LMO7: variants seen among roughly 807,000 people sequenced by gnomAD.
LMO7 encodes LIM domain only protein 7.
Under a neutral mutation model 206.5 loss-of-function variants are expected in LMO7, and 120 were observed. That is an observed-to-expected ratio of 0.58 (90% CI 0.50 to 0.68). The LOEUF is 0.68. LMO7 is among the 30% of genes least tolerant of loss of function. LMO7 has a pLI of 0.00. For synonymous variants in LMO7, 706 were observed against 681.5 expected, an observed-to-expected ratio of 1.04 and a Z score of -0.56; for missense variants, 1,959 against 1,957.9, an observed-to-expected ratio of 1.00 and a Z score of -0.01.
At chr13:75,675,523 A>T (rs757023060) in intron 1 of LMO7, among the ~76,000 whole-genome samples, 1 of 152,100 alleles carries the variant, frequency 6.6e-6, no homozygotes, top group Middle Eastern at 3.2e-3. Flanking sequence ...TTTGATGCAC[A>T]TTTTTTTCTC....
intron 2 of LMO7, among the ~76,000 whole-genome samples, chr13:75,721,570 T>G (rs984143531): frequency 3.3e-5 from 5 of 152,132 alleles, no homozygotes; most frequent in Non-Finnish European, 7.4e-5. Flanking sequence ...ACAAAATTGG[T>G]TTTTCATTCC....
chr13:75,720,601 T>C (rs2043940045), intron 2 of LMO7, among the ~76,000 whole-genome samples: 2 of 152,228 alleles, frequency 1.3e-5, no homozygotes. Context: ...AGTGCTATAA[T>C]TATTGAGGGT....
At chr13:75,646,138 G>C (rs968911987) in intron 1 of LMO7, among the ~76,000 whole-genome samples, 4 of 151,918 alleles carry the variant, frequency 2.6e-5, no homozygotes, top group African/African-American at 9.7e-5. Flanking sequence ...TGGCATCATT[G>C]TTCAGCCAGT....
At position 75,691,483 on chromosome 13, in the gene LMO7, A is replaced by G. The variant is rs574117583; in HGVS notation, c.70-21699A>G. On this transcript the variant is annotated intron_variant, in intron 1 of 30. Transcript: ENST00000377534. ...CATTGCCTGGGATGGGGGAGTTTTC[A>G]TCATCAGCCTGAACACTCAGGCTCC... Among the ~76,000 whole-genome samples, 8 of 152,174 alleles carry G rather than the reference A, an allele frequency of 5.3e-5. No individual in the cohort carries two copies. In the South Asian group the frequency reaches 1.5e-3, roughly 28 times the overall value.
Position 75,795,393 on chromosome 13 carries a change from C to T in LMO7, c.318-8C>T. 6.4e-7 allele frequency: 1 copy of T among 1,569,994 alleles called. No homozygotes were observed. The highest frequency in any genetic ancestry group is 2.3e-5 in the East Asian group (1 of 43,790). ...ATATTACCTAATAGATATTTTCTTT[C>T]TTTACAGGCAAGAAGAGACTGACAG... On this transcript the variant is annotated splice_region_variant and splice_polypyrimidine_tract_variant and intron_variant, in intron 4 of 30. Transcript: ENST00000377534.
intron 3 of LMO7, among the ~76,000 whole-genome samples, chr13:75,752,293 G>A (rs2047337078): frequency 1.3e-5 from 2 of 151,954 alleles, no homozygotes; most frequent in Admixed American, 1.3e-4. Context: ...ACTATGCCCA[G>A]CTAATTTTTG....
chr13:75,716,764 C>T (rs1028913487), intron 2 of LMO7, among the ~76,000 whole-genome samples: 32 of 152,054 alleles, frequency 2.1e-4, no homozygotes, highest in African/African-American at 7.7e-4. Context: ...TTATTTTGCT[C>T]TGGGTTCTAG....
At chr13:75,715,048 A>G (rs1235363192) in intron 2 of LMO7, among the ~76,000 whole-genome samples, 1 of 152,228 alleles carries the variant, frequency 6.6e-6, no homozygotes, top group Non-Finnish European at 1.5e-5. Flanking sequence ...GTAATTTTGT[A>G]GGTTATATAT....
At chr13:75,634,869 G>A (rs900743180), upstream of LMO7, among the ~76,000 whole-genome samples, 4 of 151,972 alleles carry the variant, frequency 2.6e-5, no homozygotes, top group Admixed American at 6.6e-5. Context: ...AGCTGGGCAT[G>A]GTGGTGGGCG....
At chr13:75,835,104 C>G in intron 17 of LMO7, 129 bp from the exon 18 acceptor site, 3 of 1,195,464 alleles carry the variant, frequency 2.5e-6, no homozygotes, top group Non-Finnish European at 3.3e-6. Flanking sequence ...TTTATTCTTT[C>G]CACTTCAACA....
chr13:75,735,621 G>A (rs899603470), intron 3 of LMO7, among the ~76,000 whole-genome samples: 5 of 150,486 alleles, frequency 3.3e-5, no homozygotes, highest in South Asian at 2.1e-4. Flanking sequence ...GGCACCACAC[G>A]CAGCTAATTT....
intron 1 of LMO7, among the ~76,000 whole-genome samples, chr13:75,677,364 A>G (rs1336870371): frequency 2.0e-5 from 3 of 152,230 alleles, no homozygotes; most frequent in African/African-American, 7.2e-5. Context: ...GATCTGTCAT[A>G]TATTGCTGTT....
At chr13:75,855,418 G>C in intron 29 of LMO7, 50 bp downstream of exon 29, 2 of 1,234,014 alleles carry the variant, frequency 1.6e-6, no homozygotes, top group Non-Finnish European at 2.4e-6. Context: ...TGCTTGGAGA[G>C]CGCATGGCTG....
At chr13:75,716,894 CTTTTTT>C (rs35871564) in intron 2 of LMO7, among the ~76,000 whole-genome samples, 2 of 138,728 alleles carry the variant, frequency 1.4e-5, no homozygotes, top group East Asian at 2.1e-4. Flanking sequence ...TGAAAACACT[CTTTTTT>C]TTTTTTTTTT....
At position 75,736,585 on chromosome 13, in the gene LMO7, C is replaced by T. The variant is rs180673045; in HGVS notation, c.210+9487C>T. ...GCGTATCAGAGGAACAAAGAAGTCA[C>T]AAACCATGATCTCAAAGAGTTTACA... On this transcript the variant is annotated intron_variant, in intron 3 of 30. Transcript: ENST00000377534. Among the ~76,000 whole-genome samples, 973 of 152,350 alleles carry T rather than the reference C, an allele frequency of 6.4e-3. 4 individuals are homozygous for T. Among genetic ancestry groups the T allele is most frequent in the Non-Finnish European group, 9.7e-3 (663 of 68,022 alleles).
At chr13:75,621,808 G>T (rs1175935595) in exon 1 of LMO7, 4 of 1,612,370 alleles carry the variant, frequency 2.5e-6, no homozygotes, top group Non-Finnish European at 3.4e-6. Flanking sequence ...ACTGATATGT[G>T]CTCATGTCTG....
At chr13:75,829,160 A>G (rs1422630311) in intron 15 of LMO7, among the ~76,000 whole-genome samples, 2 of 152,224 alleles carry the variant, frequency 1.3e-5, no homozygotes, top group Non-Finnish European at 1.5e-5. Context: ...ACTAAGGAAC[A>G]AACAACACAA....
At position 75,842,736 on chromosome 13, in the gene LMO7, A is replaced by T. The variant is rs139485816; in HGVS notation, c.4032-115A>T. ...CCTTTGTATGTTTAGTTTTTAACCC[A>T]AAGACCATTTGCATAAAGAGGCTAG... On this transcript the variant is annotated intron_variant, in intron 24 of 30. Coordinates refer to ENST00000377534, the MANE Select transcript of LMO7 (RefSeq NM_001306080.2). 28 of 664,080 alleles carry T rather than the reference A, an allele frequency of 4.2e-5. No homozygotes were observed. The African/African-American group carries it at 4.7e-4, about 11-fold the overall frequency. The allele number at this position is 664,080 out of a possible 1,614,324, so 41.1% of individuals were successfully genotyped here. A position where few individuals can be genotyped will look rare whatever the true frequency, so the allele number is the denominator to read the frequency against.
intron 1 of LMO7, among the ~76,000 whole-genome samples, chr13:75,698,407 ATCC>A (rs1438898263): frequency 6.6e-6 from 1 of 152,174 alleles, no homozygotes; most frequent in African/African-American, 2.4e-5. Flanking sequence ...GATTCAAGGA[ATCC>A]TCCTGAGTAG....
Sources: allele counts gnomAD v4.1 joint callset (sites outside exome capture counted in the v4.1 genomes callset), GRCh38; gene constraint gnomAD v4.1.1; transcripts MANE v1.5; gene names NCBI Gene and HGNC (gene_info 2026-07-23, HGNC 2026-07-21).